IQGAP2: variants seen among roughly 807,000 people sequenced by gnomAD.
The protein encoded by IQGAP2 is IQ motif containing GTPase activating protein 2.
In IQGAP2, 173 loss-of-function variants were observed where a neutral mutation model predicts 201.3. The observed-to-expected ratio is 0.86, with a 90% CI of 0.76 to 0.98. The LOEUF is 0.98. Among genes scored for constraint, IQGAP2 ranks in the 50% least tolerant of loss-of-function variants. IQGAP2 has a pLI of 0.00. For synonymous variants in IQGAP2, 675 were observed against 673.9 expected, an observed-to-expected ratio of 1.00 and a Z score of -0.03; for missense variants, 1,687 against 1,864.8, an observed-to-expected ratio of 0.90 and a Z score of 1.76.
chr5:76,639,691 A>G (rs1017630323), intron 16 of IQGAP2, among the ~76,000 whole-genome samples: 2 of 152,246 alleles, frequency 1.3e-5, no homozygotes, highest in African/African-American at 4.8e-5. Flanking sequence ...TATTGCAGAC[A>G]GAATCACCAA....
Position 76,698,116 on chromosome 5 carries a change from A to G in IQGAP2, c.4336A>G (p.Ile1446Val). ...GCAAATCAATTATTATGACACCTACATAAAGACTTGTTTAGACAACTTAAA... is the reference window on the plus strand; with the variant it reads ...GCAAATCAATTATTATGACACCTACGTAAAGACTTGTTTAGACAACTTAAA... ...EEQINYYDTY[I>V]KTCLDNLKRK... The change falls in exon 33 of 36, where the codon ATA becomes GTA. Residue 1446 changes from isoleucine (I) to valine (V), a missense_variant. Ile to Val is a conservative substitution (Grantham distance 29). Coordinates refer to ENST00000274364, the MANE Select transcript of IQGAP2 (RefSeq NM_006633.5). 1 of 1,606,772 alleles carries G rather than the reference A, an allele frequency of 6.2e-7. No homozygotes were observed. The highest frequency in any genetic ancestry group is 8.5e-7 in the Non-Finnish European group (1 of 1,174,018).
At chr5:76,450,608 G>A (rs188885674) in intron 1 of IQGAP2, among the ~76,000 whole-genome samples, 1 of 152,278 alleles carries the variant, frequency 6.6e-6, no homozygotes, top group East Asian at 1.9e-4. Context: ...TTATAAATAT[G>A]TACTACTTCT....
chr5:76,688,986 G>A (rs1186026566), intron 30 of IQGAP2, among the ~76,000 whole-genome samples: 1 of 151,858 alleles, frequency 6.6e-6, no homozygotes, highest in Non-Finnish European at 1.5e-5. Context: ...ACAACTTGTC[G>A]AGGGCAAGGT....
chr5:76,441,547 CT>C, intron 1 of IQGAP2: 1 of 983,084 alleles, frequency 1.0e-6, no homozygotes, highest in Middle Eastern at 5.2e-4. Flanking sequence ...AATAATGCTA[CT>C]TCTTATAAAG....
chr5:76,588,633 C>A (rs1236515859), intron 5 of IQGAP2, among the ~76,000 whole-genome samples: 1 of 152,120 alleles, frequency 6.6e-6, no homozygotes, highest in Non-Finnish European at 1.5e-5. Flanking sequence ...GTTCTCCATA[C>A]AAATGGATGA....
chr5:76,440,783 C>A (rs1280231504), intron 1 of IQGAP2, among the ~76,000 whole-genome samples: 2 of 151,824 alleles, frequency 1.3e-5, no homozygotes, highest in African/African-American at 4.8e-5. Flanking sequence ...TCAGTAATCC[C>A]AGCACTATGG....
chr5:76,688,930 A>G (rs1453794898), intron 30 of IQGAP2, among the ~76,000 whole-genome samples: 1 of 152,084 alleles, frequency 6.6e-6, no homozygotes, highest in Admixed American at 6.5e-5. Flanking sequence ...TCAAACCCAC[A>G]TGATTTGAAA....
intron 2 of IQGAP2, among the ~76,000 whole-genome samples, chr5:76,489,039 A>G (rs1756354251): frequency 6.6e-6 from 1 of 152,198 alleles, no homozygotes; most frequent in Non-Finnish European, 1.5e-5. Context: ...CCAGATGTAA[A>G]GCCAGGCTCC....
At chr5:76,696,009 T>G (rs538900745) in intron 32 of IQGAP2, among the ~76,000 whole-genome samples, 1 of 151,880 alleles carries the variant, frequency 6.6e-6, no homozygotes, top group Non-Finnish European at 1.5e-5. Flanking sequence ...CCCAGCTAAT[T>G]TTTGTATTTT....
Position 76,658,543 on chromosome 5 carries a change from T to C in IQGAP2, c.2405T>C (p.Leu802Pro), listed in dbSNP as rs1357322773. 1.2e-6 allele frequency: 2 copies of C among 1,614,046 alleles called. No homozygotes were observed. Among genetic ancestry groups the C allele is most frequent in the South Asian group, 1.1e-5 (1 of 91,052 alleles). ...AGTGATTTGGATTTCCAGGAGGAAC[T>C]AGAGGTTGCACGATTAAGGGAAGAA... ...DQSDLDFQEE[L>P]EVARLREEVV... The change falls in exon 21 of 36, where the codon CTA becomes CCA. Residue 802 changes from leucine to proline, a missense_variant. Transcript: ENST00000274364.
In IQGAP2 at chr5:76,609,163, A is replaced by T. The variant is rs112603271; in HGVS notation, c.1358-1857A>T. 8,280 of 1,535,922 alleles carry T rather than the reference A, an allele frequency of 5.4e-3. 381 individuals carry two copies. In the African/African-American group the frequency reaches 0.098, roughly 18 times the overall value. On this transcript the variant is annotated intron_variant, in intron 12 of 35. Coordinates refer to ENST00000274364, the MANE Select transcript of IQGAP2 (RefSeq NM_006633.5). ...AGGTGATTTCAATCAAGTCAGCTGAAATGCACTCACTTCCAGGTGATCGGC... is the reference window on the plus strand; with the variant it reads ...AGGTGATTTCAATCAAGTCAGCTGATATGCACTCACTTCCAGGTGATCGGC...
chr5:76,435,912 C>G (rs931518620), intron 1 of IQGAP2, among the ~76,000 whole-genome samples: 10 of 151,624 alleles, frequency 6.6e-5, no homozygotes, highest in African/African-American at 2.2e-4. Context: ...CCTTAGTTAA[C>G]TATATTCTTG....
intron 2 of IQGAP2, among the ~76,000 whole-genome samples, chr5:76,489,224 C>G (rs1272918619): frequency 6.6e-6 from 1 of 152,116 alleles, no homozygotes; most frequent in Admixed American, 6.5e-5. Context: ...GCAGGTTGGT[C>G]CCTGCAGTCC....
chr5:76,416,943 C>A lies in IQGAP2; in HGVS notation c.46+13352C>A, dbSNP rs545447146. ...TCCTGGGCTCAAGTGATCCTCCTAC[C>A]TCAGCCTTCTGAGTAGATGGGACCA... On this transcript the variant is annotated intron_variant, in intron 1 of 35. Coordinates refer to ENST00000274364, the MANE Select transcript of IQGAP2 (RefSeq NM_006633.5). Among the ~76,000 whole-genome samples the A allele has an allele frequency of 3.9e-5, 6 of 152,240 alleles. No homozygotes were observed. In the East Asian group the frequency reaches 1.2e-3, roughly 29 times the overall value.
intron 30 of IQGAP2, among the ~76,000 whole-genome samples, chr5:76,689,466 A>C (rs986494906): frequency 6.6e-6 from 1 of 152,192 alleles, no homozygotes; most frequent in African/African-American, 2.4e-5. Context: ...AAAACTATGC[A>C]GTTGTCAACC....
intron 2 of IQGAP2, among the ~76,000 whole-genome samples, chr5:76,508,421 T>C (rs937835019): frequency 7.2e-5 from 11 of 152,154 alleles, no homozygotes; most frequent in Non-Finnish European, 1.0e-4. Flanking sequence ...CATATGCCAT[T>C]AGGGAATTAC....
chr5:76,583,927 C>T (rs370222048), intron 5 of IQGAP2, among the ~76,000 whole-genome samples: 97 of 151,646 alleles, frequency 6.4e-4, no homozygotes, highest in Middle Eastern at 3.4e-3. Flanking sequence ...GGATGGAGTG[C>T]AGTGGCACAA....
intron 11 of IQGAP2, among the ~76,000 whole-genome samples, chr5:76,602,702 G>A (rs1747510778): frequency 1.3e-5 from 2 of 152,152 alleles, no homozygotes; most frequent in Admixed American, 6.5e-5. Context: ...ATCTTCTACA[G>A]CCTTGGCATT....
chr5:76,640,555 C>G (rs455249), intron 16 of IQGAP2, among the ~76,000 whole-genome samples: 94,349 of 152,052 alleles, frequency 0.62, 29,448 homozygotes, highest in South Asian at 0.79. Flanking sequence ...CCATTGCAGT[C>G]TTTTCCTTGG....
Sources: gnomAD v4.1 joint callset for allele counts (sites outside exome capture counted in the v4.1 genomes callset) on GRCh38, gnomAD v4.1.1 for gene constraint, MANE v1.5 for transcripts, NCBI Gene and HGNC (gene_info 2026-07-23, HGNC 2026-07-21) for gene names.